Variants in CSMD1 observed in about 807,000 individuals in gnomAD.
The protein encoded by CSMD1 is CUB and Sushi multiple domains 1, also known as CUB and sushi domain-containing protein 1.
A neutral mutation model predicts 417.5 loss-of-function variants in CSMD1; 213 were observed. That is an observed-to-expected ratio of 0.51 (90% CI 0.46 to 0.57). CSMD1 has a LOEUF of 0.57. CSMD1 is among the 20% of genes least tolerant of loss of function. CSMD1 has a pLI of 0.00. For missense variants in CSMD1, 6,923 were observed against 4,529.7 expected (o/e 1.53, Z -15.17); for synonymous variants, 2,862 against 1,736.8 (o/e 1.65, Z -16.11).
chr8:3,135,569 G>A (rs913191222), intron 41 of CSMD1, among the ~76,000 whole-genome samples: 3 of 135,462 alleles, frequency 2.2e-5, no homozygotes, highest in African/African-American at 9.2e-5. Flanking sequence ...AGTGAAGTCT[G>A]CTGATCACAT....
chr8:3,458,097 G>C (rs937164283), intron 12 of CSMD1, among the ~76,000 whole-genome samples: 5 of 152,114 alleles, frequency 3.3e-5, no homozygotes, highest in African/African-American at 4.8e-5. Context: ...TCTAACGTGA[G>C]CCCCGCAGCG....
Position 3,761,204 on chromosome 8 carries a change from C to G in CSMD1, c.819-7162G>C, listed in dbSNP as rs530870370. ...ATTAGGAAAAGCGACAATGAACTCT[C>G]ATATTGCAAGAACATGAAAAACAGT... is the stretch of plus-strand genomic sequence containing the variant. On this transcript the variant is annotated intron_variant, in intron 5 of 69. Coordinates refer to ENST00000635120, the MANE Select transcript of CSMD1 (RefSeq NM_033225.6). 2.6e-5 allele frequency among the ~76,000 whole-genome samples: 4 copies of G among 152,074 alleles called. No homozygotes were observed. In the East Asian group the frequency reaches 7.7e-4, roughly 29 times the overall value.
intron 1 of CSMD1, among the ~76,000 whole-genome samples, chr8:4,957,195 T>G (rs984597530): frequency 6.6e-6 from 1 of 152,206 alleles, no homozygotes; most frequent in South Asian, 2.1e-4. Context: ...CCTGTAGACC[T>G]AAAGCTATAG....
intron 1 of CSMD1, among the ~76,000 whole-genome samples, chr8:4,650,175 C>T (rs1040601713): frequency 6.6e-6 from 1 of 151,796 alleles, no homozygotes; most frequent in African/African-American, 2.4e-5. Context: ...GAAACCCCGT[C>T]TCTAATAAAA....
At chr8:4,809,749 T>A (rs765259140) in intron 1 of CSMD1, among the ~76,000 whole-genome samples, 2 of 152,194 alleles carry the variant, frequency 1.3e-5, no homozygotes, top group Admixed American at 1.3e-4. Context: ...AAGTGAAAAT[T>A]GAGATAATTC....
intron 4 of CSMD1, among the ~76,000 whole-genome samples, chr8:4,031,261 G>C (rs1172227096): frequency 1.3e-5 from 2 of 152,142 alleles, no homozygotes; most frequent in Non-Finnish European, 2.9e-5. Context: ...ACATACCTGA[G>C]CCTGGGCAAT....
intron 7 of CSMD1, among the ~76,000 whole-genome samples, chr8:3,697,338 A>C (rs1375445713): frequency 6.6e-6 from 1 of 152,228 alleles, no homozygotes; most frequent in Non-Finnish European, 1.5e-5. Flanking sequence ...TGTTTTAAAT[A>C]AAACCAGGCT....
intron 27 of CSMD1, among the ~76,000 whole-genome samples, chr8:3,224,164 T>C (rs1798365412): frequency 6.6e-6 from 1 of 152,214 alleles, no homozygotes; most frequent in Non-Finnish European, 1.5e-5. Context: ...TTTTCTCAAT[T>C]AAATGAAAGA....
At chr8:4,152,444 G>T (rs572575782) in intron 3 of CSMD1, among the ~76,000 whole-genome samples, 3 of 151,806 alleles carry the variant, frequency 2.0e-5, no homozygotes, top group African/African-American at 2.4e-5. Context: ...TTTGGCCAAG[G>T]CAAGTGGCTT....
intron 3 of CSMD1, among the ~76,000 whole-genome samples, chr8:4,067,992 A>G (rs1291502846): frequency 1.3e-5 from 2 of 152,032 alleles, no homozygotes; most frequent in Admixed American, 1.3e-4. Flanking sequence ...AAGGAGAATC[A>G]CCTGAACCCT....
chr8:4,420,193 G>C (rs1300573768), intron 2 of CSMD1, 128 bp from the exon 3 acceptor site: 13 of 574,622 alleles, frequency 2.3e-5, no homozygotes, highest in Admixed American at 2.1e-4. Context: ...TAAACACTTA[G>C]ATAATCCATA....
At chr8:4,349,657 C>G (rs34864346) in intron 3 of CSMD1, among the ~76,000 whole-genome samples, 20,350 of 152,082 alleles carry the variant, frequency 0.13, 1,525 homozygotes, top group Middle Eastern at 0.18. Flanking sequence ...TAATATTTGG[C>G]TAAATGGTAA....
intron 26 of CSMD1, among the ~76,000 whole-genome samples, chr8:3,249,147 A>G (rs1466816221): frequency 6.6e-6 from 1 of 152,104 alleles, no homozygotes; most frequent in African/African-American, 2.4e-5. Context: ...ATTAAATAGT[A>G]ACTATTATAA....
At chr8:4,818,813 G>C (rs1378803094) in intron 1 of CSMD1, among the ~76,000 whole-genome samples, 1 of 152,080 alleles carries the variant, frequency 6.6e-6, no homozygotes, top group Non-Finnish European at 1.5e-5. Flanking sequence ...TTTCATTAGA[G>C]ACTCACCATG....
intron 49 of CSMD1, among the ~76,000 whole-genome samples, chr8:3,062,414 C>T (rs1197422390): frequency 6.6e-6 from 1 of 151,938 alleles, no homozygotes; most frequent in Non-Finnish European, 1.5e-5. Flanking sequence ...AAGGAGTAAA[C>T]ACCAGCAACA....
rs140495755 is a variant in CSMD1, at chr8:4,350,200, G to C, written c.415+69753C>G. Among the ~76,000 whole-genome samples, 497 of 152,146 alleles carry C rather than the reference G, an allele frequency of 3.3e-3. 1 individual carries two copies. The highest frequency in any genetic ancestry group is 5.7e-3 in the Non-Finnish European group (386 of 68,002). On this transcript the variant is annotated intron_variant, in intron 3 of 69. Coordinates refer to ENST00000635120, the MANE Select transcript of CSMD1 (RefSeq NM_033225.6). The stretch of plus-strand genomic sequence containing the variant: ...CTTCTCTTCTTTTTGCTGTACAATT[G>C]CAAGGCTCTGTCAAGCGTCCAGGCA...
At chr8:3,226,221 G>A (rs1479452392) in intron 27 of CSMD1, among the ~76,000 whole-genome samples, 1 of 152,234 alleles carries the variant, frequency 6.6e-6, no homozygotes, top group South Asian at 2.1e-4. Flanking sequence ...TTGCAATTTG[G>A]ACTTGGGGAA....
chr8:3,910,286 A>C (rs1451093194), intron 5 of CSMD1, among the ~76,000 whole-genome samples: 1 of 152,168 alleles, frequency 6.6e-6, no homozygotes. Flanking sequence ...CTCTCTCACC[A>C]CGTTTGAAAA....
At chr8:4,824,739 G>A (rs1433438074) in intron 1 of CSMD1, among the ~76,000 whole-genome samples, 1 of 152,134 alleles carries the variant, frequency 6.6e-6, no homozygotes. Context: ...GAATAACACT[G>A]CTGGAACTTG....
Sources: gnomAD v4.1 joint callset for allele counts (sites outside exome capture counted in the v4.1 genomes callset) on GRCh38, gnomAD v4.1.1 for gene constraint, MANE v1.5 for transcripts, NCBI Gene and HGNC (gene_info 2026-07-23, HGNC 2026-07-21) for gene names.